The following INSC variants were observed in gnomAD, a reference collection of about 807,000 sequenced individuals.
INSC encodes the protein protein inscuteable homolog.
In INSC, 67 loss-of-function variants were observed where a neutral mutation model predicts 58.6. The observed-to-expected ratio is 1.14, with a 90% confidence interval of 0.94 to 1.40. The LOEUF (loss-of-function observed/expected upper bound fraction) is 1.40. Ranked by LOEUF, INSC falls within the 40% of genes most tolerant of loss-of-function variation. The pLI is 0.00. For synonymous variants in INSC, 262 were observed against 276.1 expected (o/e 0.95, Z 0.51); for missense variants, 714 against 692.0 (o/e 1.03, Z -0.36).
intron 2 of INSC, among the ~76,000 whole-genome samples, chr11:15,163,696 C>A (rs571319886): frequency 6.6e-6 from 1 of 152,144 alleles, no homozygotes; most frequent in Non-Finnish European, 1.5e-5. Flanking sequence ...TGGGTTCAAG[C>A]GATTCCCCTG....
At chr11:15,174,242 G>A (rs1849500328) in intron 2 of INSC, among the ~76,000 whole-genome samples, 2 of 152,240 alleles carry the variant, frequency 1.3e-5, no homozygotes, top group Admixed American at 1.3e-4. Flanking sequence ...GGCATCCTTC[G>A]TCGTGTGCTT....
chr11:15,161,012 A>G (rs777348882), intron 2 of INSC, among the ~76,000 whole-genome samples: 1 of 152,236 alleles, frequency 6.6e-6, no homozygotes, highest in Non-Finnish European at 1.5e-5. Context: ...AGTGCCTGCT[A>G]TGCAGAAGGT....
rs114102039 is a variant in INSC at position 15,193,247 on chromosome 11, C to T, written c.693+2433C>T. On this transcript the variant is annotated intron_variant, in intron 6 of 12. Coordinates refer to ENST00000379556, the MANE Select transcript of INSC (RefSeq NM_001042536.3). ...ATTTAGAAAAGTGAGTTATTTAGAA[C>T]GAGAAAATAATTCAAGAATATTTCT... 9.6e-3 allele frequency among the ~76,000 whole-genome samples: 1,461 copies of T among 152,198 alleles called. 16 individuals are homozygous for T. Among genetic ancestry groups the T allele is most frequent in the African/African-American group, 0.033 (1,390 of 41,524 alleles).
chr11:15,125,214 G>A (rs902437553), intron 1 of INSC, among the ~76,000 whole-genome samples: 3 of 152,188 alleles, frequency 2.0e-5, no homozygotes, highest in Non-Finnish European at 2.9e-5. Flanking sequence ...TAAAGGAAGA[G>A]TAAGTGCAAA....
In INSC at chr11:15,235,687, G is replaced by C; in HGVS notation, c.1237+19G>C. On this transcript the variant is annotated intron_variant, in intron 10 of 12. Transcript: ENST00000379556. ...GAAAATGGTATGTCTTTGCAGCATT[G>C]TACATGTTATGTGGATTATCTGGAT... The C allele has an allele frequency of 6.3e-7, 1 of 1,597,570 alleles. No individual in the cohort carries two copies. The highest frequency in any genetic ancestry group is 1.3e-5 in the African/African-American group (1 of 74,658).
the INSC span, among the ~76,000 whole-genome samples, chr11:15,253,220 G>A: frequency 6.6e-6 from 1 of 152,148 alleles, no homozygotes; most frequent in African/African-American, 2.4e-5. Flanking sequence ...CACGCCCTTT[G>A]AATTTTTTTG....
chr11:15,129,195 G>A (rs1009653775), intron 1 of INSC, among the ~76,000 whole-genome samples: 8 of 152,114 alleles, frequency 5.3e-5, no homozygotes, highest in Admixed American at 5.2e-4. Flanking sequence ...GCTCTGAATA[G>A]GTTGCCCCCC....
At position 15,221,576 on chromosome 11, in the gene INSC, C is replaced by G. The variant is rs375374527; in HGVS notation, c.919C>G (p.Pro307Ala). 3.1e-6 allele frequency: 5 copies of G among 1,613,916 alleles called. No individual in the cohort carries two copies. The highest frequency in any genetic ancestry group is 4.2e-6 in the Non-Finnish European group (5 of 1,179,966). ...GGCTGTGGTGGCCCAGGTCACCTCC[C>G]CACACCTGCCCGTCACCCAGCACCT... ...AAAVVAQVTS[P>A]HLPVTQHLSS... The change falls in exon 8 of 13, where the codon CCA (proline) becomes GCA (alanine). Residue 307 changes from proline to alanine, a missense_variant. Transcript: ENST00000379556.
At chr11:15,180,694 C>CGGGGGGGGGGGGGGGGGGGGGGGG (rs756237896) in intron 5 of INSC, among the ~76,000 whole-genome samples, 1 of 41,822 alleles carries the variant, frequency 2.4e-5, no homozygotes, top group Non-Finnish European at 4.5e-5. Flanking sequence ...AGGGGGGGGG[C>CGGGGGGGGGGGGGGGGGGGGGGGG]GGGGGGGGGT....
At chr11:15,200,730 G>C in intron 6 of INSC, 94 bp from the exon 7 acceptor site, 1 of 1,566,812 alleles carries the variant, frequency 6.4e-7, no homozygotes, top group Non-Finnish European at 8.7e-7. Context: ...GGACCCGAAA[G>C]CATATCTGGC....
intron 4 of INSC, 150 bp downstream of exon 4, chr11:15,177,313 A>G (rs533819741): frequency 8.9e-4 from 597 of 670,754 alleles, no homozygotes; most frequent in Middle Eastern, 1.2e-3. Context: ...AGAAATCTTA[A>G]AATATTCTCT....
At chr11:15,241,931 G>C (rs551390165) in intron 12 of INSC, among the ~76,000 whole-genome samples, 77 of 152,272 alleles carry the variant, frequency 5.1e-4, no homozygotes, top group African/African-American at 1.8e-3. Flanking sequence ...CACGGGCTGT[G>C]AAAGTATTTG....
chr11:15,137,801 C>T (rs1848280231), intron 1 of INSC, among the ~76,000 whole-genome samples: 1 of 152,190 alleles, frequency 6.6e-6, no homozygotes, highest in African/African-American at 2.4e-5. Flanking sequence ...TTTTGTCATT[C>T]ATGTGTTCAC....
At chr11:15,196,047 G>A (rs552733998) in intron 6 of INSC, among the ~76,000 whole-genome samples, 1 of 152,244 alleles carries the variant, frequency 6.6e-6, no homozygotes, top group South Asian at 2.1e-4. Flanking sequence ...CACTTCCTCA[G>A]CTACTCAGGG....
intron 5 of INSC, among the ~76,000 whole-genome samples, chr11:15,186,854 A>C (rs986234289): frequency 1.3e-5 from 2 of 151,874 alleles, no homozygotes; most frequent in Non-Finnish European, 2.9e-5. Flanking sequence ...TGTGTTCCGA[A>C]CTCTACTATT....
chr11:15,220,910 G>A (rs1301102172), intron 7 of INSC, among the ~76,000 whole-genome samples: 1 of 152,182 alleles, frequency 6.6e-6, no homozygotes, highest in African/African-American at 2.4e-5. Context: ...GAATGGTGGA[G>A]GACAAGATGG....
intron 9 of INSC, among the ~76,000 whole-genome samples, chr11:15,229,949 TATATATATA>T (rs1851792154): frequency 1.2e-4 from 2 of 16,766 alleles, no homozygotes; most frequent in Non-Finnish European, 1.9e-4. Context: ...TATATAATAT[TATATATATA>T]TTTATATATA....
At chr11:15,176,432 AAC>A (rs548362899) in intron 3 of INSC, among the ~76,000 whole-genome samples, 50 of 152,214 alleles carry the variant, frequency 3.3e-4, no homozygotes, top group Non-Finnish European at 6.3e-4. Context: ...CAAGTTACTT[AAC>A]TTCTCTGTGT....
intron 1 of INSC, among the ~76,000 whole-genome samples, chr11:15,116,438 C>T (rs961280801): frequency 3.3e-5 from 5 of 152,126 alleles, no homozygotes; most frequent in African/African-American, 1.2e-4. Flanking sequence ...TTGCTCTGCT[C>T]CTTTCCTTTC....
Sources: allele counts gnomAD v4.1 joint callset (sites outside exome capture counted in the v4.1 genomes callset), GRCh38; gene constraint gnomAD v4.1.1; transcripts MANE v1.5; gene names NCBI Gene and HGNC (gene_info 2026-07-23, HGNC 2026-07-21).